Variants in MNAT1 observed in about 807,000 individuals in gnomAD.
MNAT1 encodes CDK-activating kinase assembly factor MAT1.
In MNAT1, 43 loss-of-function variants were observed where a neutral mutation model predicts 42.0. The ratio of observed to expected loss-of-function variants is 1.02; its 90% CI spans 0.80 to 1.32. The LOEUF is 1.32. Ranked by LOEUF, MNAT1 falls within the 40% of genes most tolerant of loss-of-function variation. The pLI is 0.00. For missense variants in MNAT1, 306 were observed against 350.4 expected (o/e 0.87, Z 1.01); for synonymous variants, 118 against 120.0 (o/e 0.98, Z 0.11).
chr14:60,936,526 T>G, intron 7 of MNAT1, among the ~76,000 whole-genome samples: 1 of 152,094 alleles, frequency 6.6e-6, no homozygotes, highest in Non-Finnish European at 1.5e-5. Context: ...GTTTCCAGCT[T>G]CATCCATGTC....
intron 3 of MNAT1, among the ~76,000 whole-genome samples, chr14:60,807,636 G>A (rs2032414254): frequency 6.6e-6 from 1 of 152,012 alleles, no homozygotes; most frequent in African/African-American, 2.4e-5. Flanking sequence ...AGGGAATATG[G>A]CATTCATAAT....
chr14:60,737,745 A>G (rs1896345140), intron 1 of MNAT1, among the ~76,000 whole-genome samples: 1 of 152,022 alleles, frequency 6.6e-6, no homozygotes, highest in Non-Finnish European at 1.5e-5. Flanking sequence ...CTCAAAAAAG[A>G]TTATGTCAAG....
At chr14:60,937,949 C>T (rs2036040209) in intron 7 of MNAT1, among the ~76,000 whole-genome samples, 1 of 152,084 alleles carries the variant, frequency 6.6e-6, no homozygotes, top group African/African-American at 2.4e-5. Flanking sequence ...CCTTCACATC[C>T]CTTGTAGGTT....
intron 1 of MNAT1, among the ~76,000 whole-genome samples, chr14:60,736,636 G>C (rs542023968): frequency 6.6e-6 from 1 of 152,046 alleles, no homozygotes; most frequent in Non-Finnish European, 1.5e-5. Flanking sequence ...AAGCTGTAGC[G>C]TATTGGCTGA....
chr14:60,783,670 G>A (rs1282920295), intron 1 of MNAT1, among the ~76,000 whole-genome samples: 1 of 151,406 alleles, frequency 6.6e-6, no homozygotes, highest in Non-Finnish European at 1.5e-5. Flanking sequence ...CTAATTTTTT[G>A]TATTTTCAGT....
At chr14:60,771,890 G>C (rs1039665920) in intron 1 of MNAT1, among the ~76,000 whole-genome samples, 1 of 152,176 alleles carries the variant, frequency 6.6e-6, no homozygotes, top group African/African-American at 2.4e-5. Flanking sequence ...CGGTGAAAAA[G>C]TGTCCATTTT....
chr14:60,905,600 A>T (rs375919662), intron 7 of MNAT1, among the ~76,000 whole-genome samples: 14 of 152,298 alleles, frequency 9.2e-5, no homozygotes, highest in Admixed American at 5.2e-4. Context: ...GGAGCCAGTG[A>T]TGTGACTCTC....
At chr14:60,780,028 C>T in intron 1 of MNAT1, 2 of 1,550,916 alleles carry the variant, frequency 1.3e-6, no homozygotes, top group Non-Finnish European at 1.8e-6. Flanking sequence ...GTGGGAGTGC[C>T]GAAATCGTGG....
At chr14:60,764,954 A>G (rs1390142426) in intron 1 of MNAT1, among the ~76,000 whole-genome samples, 5 of 152,284 alleles carry the variant, frequency 3.3e-5, no homozygotes, top group African/African-American at 1.2e-4. Context: ...GGTTGTGACC[A>G]GAGTTTGGAA....
chr14:60,885,324 A>G (rs1261304637), intron 7 of MNAT1, among the ~76,000 whole-genome samples: 1 of 151,760 alleles, frequency 6.6e-6, no homozygotes, highest in African/African-American at 2.4e-5. Context: ...CATAACTCTT[A>G]GATTTGCACT....
chr14:60,790,703 G>A (rs1182982459), intron 1 of MNAT1, among the ~76,000 whole-genome samples: 2 of 152,150 alleles, frequency 1.3e-5, no homozygotes, highest in Non-Finnish European at 2.9e-5. Flanking sequence ...AATTGACTGA[G>A]TCCTGTCTCA....
chr14:60,910,854 G>A (rs571336459), intron 7 of MNAT1, among the ~76,000 whole-genome samples: 6 of 152,188 alleles, frequency 3.9e-5, no homozygotes, highest in Non-Finnish European at 8.8e-5. Flanking sequence ...GCATTAGGGA[G>A]GATTCCCTCT....
intron 1 of MNAT1, among the ~76,000 whole-genome samples, chr14:60,772,172 G>C (rs1024047455): frequency 6.6e-6 from 1 of 152,194 alleles, no homozygotes; most frequent in Admixed American, 6.5e-5. Context: ...TGAGGCAGGA[G>C]CATTGCTTGA....
At chr14:60,961,524 C>T (rs2036591491) in intron 7 of MNAT1, among the ~76,000 whole-genome samples, 1 of 152,142 alleles carries the variant, frequency 6.6e-6, no homozygotes, top group South Asian at 2.1e-4. Flanking sequence ...TGGATCTAAG[C>T]TTAACTGTCA....
chr14:60,739,047 C>A (rs1896389307), intron 1 of MNAT1, among the ~76,000 whole-genome samples: 1 of 152,110 alleles, frequency 6.6e-6, no homozygotes, highest in Non-Finnish European at 1.5e-5. Flanking sequence ...CCTGGAGTAT[C>A]TGTTTCCAAG....
intron 6 of MNAT1, among the ~76,000 whole-genome samples, chr14:60,841,234 C>T (rs1411207690): frequency 6.6e-6 from 1 of 151,722 alleles, no homozygotes; most frequent in African/African-American, 2.4e-5. Context: ...CTCTCTCACT[C>T]TCTGTCTCTC....
intron 7 of MNAT1, among the ~76,000 whole-genome samples, chr14:60,929,168 A>ATATATAT (rs57837834): frequency 3.5e-5 from 3 of 86,146 alleles, no homozygotes; most frequent in Admixed American, 1.3e-4. Flanking sequence ...AAAAAAAAAA[A>ATATATAT]AAATATATAT....
chr14:60,762,305 G>T (rs2030633475), intron 1 of MNAT1, among the ~76,000 whole-genome samples: 1 of 152,106 alleles, frequency 6.6e-6, no homozygotes, highest in African/African-American at 2.4e-5. Flanking sequence ...AATTTTTAGG[G>T]AATTCTTTTC....
intron 7 of MNAT1, among the ~76,000 whole-genome samples, chr14:60,897,214 T>C (rs1486195592): frequency 2.0e-5 from 3 of 152,244 alleles, no homozygotes; most frequent in Non-Finnish European, 4.4e-5. Context: ...GTCATATATA[T>C]GGTTTCAGGC....
Sources: allele counts gnomAD v4.1 joint callset (sites outside exome capture counted in the v4.1 genomes callset), GRCh38; gene constraint gnomAD v4.1.1; transcripts MANE v1.5; gene names NCBI Gene and HGNC (gene_info 2026-07-23, HGNC 2026-07-21).